CUL5: variants seen among roughly 807,000 people sequenced by gnomAD.
The protein encoded by CUL5 is cullin 5.
CUL5 carries 26 observed loss-of-function variants against 108.8 expected under a neutral mutation model. The ratio of observed to expected loss-of-function variants is 0.24; its 90% CI spans 0.18 to 0.33. CUL5 has a LOEUF of 0.33. Ranked by LOEUF, CUL5 falls within the 10% of genes least tolerant of loss-of-function variation. The pLI is 1.00. For missense variants in CUL5, 524 were observed against 909.2 expected (o/e 0.58, Z 5.45); for synonymous variants, 334 against 298.0 (o/e 1.12, Z -1.25).
At chr11:108,082,444 C>T (rs1864112398) in intron 11 of CUL5, among the ~76,000 whole-genome samples, 1 of 151,966 alleles carries the variant, frequency 6.6e-6, no homozygotes, top group African/African-American at 2.4e-5. Flanking sequence ...CCACACCTGG[C>T]TATATTATTT....
intron 9 of CUL5, among the ~76,000 whole-genome samples, chr11:108,072,824 A>G (rs1254838976): frequency 6.6e-6 from 1 of 152,202 alleles, no homozygotes; most frequent in South Asian, 2.1e-4. Flanking sequence ...ATGTACCATT[A>G]TGTGTTGATT....
intron 3 of CUL5, among the ~76,000 whole-genome samples, chr11:108,048,071 G>C (rs1241197793): frequency 6.6e-6 from 1 of 151,764 alleles, no homozygotes; most frequent in Non-Finnish European, 1.5e-5. Flanking sequence ...TGCCAGACAT[G>C]GGTCTTAAAA....
At chr11:108,075,746 T>C (rs536100478) in intron 10 of CUL5, among the ~76,000 whole-genome samples, 2 of 152,270 alleles carry the variant, frequency 1.3e-5, no homozygotes, top group East Asian at 3.9e-4. Context: ...GCTATGTTGT[T>C]TGGGCTGGTC....
At chr11:108,042,337 G>C (rs924970712) in intron 2 of CUL5, among the ~76,000 whole-genome samples, 5 of 149,876 alleles carry the variant, frequency 3.3e-5, no homozygotes, top group African/African-American at 9.8e-5. Flanking sequence ...TCATGCCTCA[G>C]CCTCCCAAAT....
At chr11:108,101,960 C>T (rs1864683334) in intron 18 of CUL5, among the ~76,000 whole-genome samples, 1 of 152,180 alleles carries the variant, frequency 6.6e-6, no homozygotes, top group Non-Finnish European at 1.5e-5. Context: ...ATCTGAATAC[C>T]ATCAAGGGTG....
At chr11:108,053,436 T>G (rs1473499522) in intron 5 of CUL5, among the ~76,000 whole-genome samples, 1 of 152,218 alleles carries the variant, frequency 6.6e-6, no homozygotes, top group East Asian at 1.9e-4. Context: ...TTGACTGGCT[T>G]TTCTTCATGG....
intron 1 of CUL5, among the ~76,000 whole-genome samples, chr11:108,023,042 A>G (rs890389959): frequency 6.6e-6 from 1 of 152,208 alleles, no homozygotes; most frequent in Non-Finnish European, 1.5e-5. Flanking sequence ...TGAGGTCAGG[A>G]GTTCGAGACC....
chr11:108,098,693 G>A (rs1364761367), intron 18 of CUL5, among the ~76,000 whole-genome samples, 164 bp downstream of exon 18: 2 of 151,470 alleles, frequency 1.3e-5, no homozygotes, highest in African/African-American at 4.9e-5. Flanking sequence ...GATTTCTTGG[G>A]CAACAAAGTG....
intron 7 of CUL5, among the ~76,000 whole-genome samples, chr11:108,067,905 G>A (rs1863725692): frequency 6.6e-6 from 1 of 152,006 alleles, no homozygotes; most frequent in South Asian, 2.1e-4. Context: ...CATTTTATAT[G>A]TGTAGTCTTT....
chr11:108,013,563 T>G (rs1862107937), intron 1 of CUL5, among the ~76,000 whole-genome samples: 1 of 151,874 alleles, frequency 6.6e-6, no homozygotes, highest in Non-Finnish European at 1.5e-5. Flanking sequence ...ATGCCAGAGG[T>G]CGTCATCTCC....
intron 2 of CUL5, among the ~76,000 whole-genome samples, chr11:108,043,970 C>T (rs994504365): frequency 6.6e-6 from 1 of 152,152 alleles, no homozygotes; most frequent in Non-Finnish European, 1.5e-5. Flanking sequence ...TTGCAGTGAG[C>T]CAAGGTGGCG....
At chr11:108,097,969 T>C (rs945995305) in intron 17 of CUL5, among the ~76,000 whole-genome samples, 2 of 152,248 alleles carry the variant, frequency 1.3e-5, no homozygotes, top group Non-Finnish European at 2.9e-5. Context: ...GACATTATAC[T>C]GTATTGCATT....
At chr11:108,061,526 A>G (rs141671023) in intron 7 of CUL5, among the ~76,000 whole-genome samples, 1 of 152,270 alleles carries the variant, frequency 6.6e-6, no homozygotes, top group Non-Finnish European at 1.5e-5. Flanking sequence ...ACTATAATGA[A>G]CGCTACCCCC....
chr11:108,103,366 C>G lies in CUL5; in HGVS notation c.2149-824C>G, dbSNP rs374633380. Among the ~76,000 whole-genome samples the G allele has an allele frequency of 2.0e-3, 305 of 151,480 alleles. 1 individual carries two copies. Among genetic ancestry groups the G allele is most frequent in the African/African-American group, 7.1e-3 (294 of 41,138 alleles). ...TTTGAGTCTGGGGGTTCAAGACCAA[C>G]CTGGACAACATAGCAAAACCTTGTG... On this transcript the variant is annotated intron_variant, in intron 18 of 18. Transcript: ENST00000393094.
intron 4 of CUL5, among the ~76,000 whole-genome samples, chr11:108,051,209 G>GA (rs553977941): frequency 1.2e-4 from 18 of 148,078 alleles, no homozygotes; most frequent in African/African-American, 3.0e-4. Context: ...TGTGCCAAGG[G>GA]AAAAAAAAAA....
At position 108,047,210 on chromosome 11, in the gene CUL5, G is replaced by T. The variant is rs569855851; in HGVS notation, c.234+841G>T. Among the ~76,000 whole-genome samples, 9 of 152,192 alleles carry T rather than the reference G, an allele frequency of 5.9e-5. 1 individual carries two copies. The highest frequency in any genetic ancestry group is 2.1e-4 in the South Asian group (1 of 4,814). Reference sequence around the variant, plus strand: ...TGCACACCTGTGGTTGCAGCCACTCGAGAGGCTGAGGCAGGAGAATTGTGT... The same window carrying T: ...TGCACACCTGTGGTTGCAGCCACTCTAGAGGCTGAGGCAGGAGAATTGTGT... On this transcript the variant is annotated intron_variant, in intron 3 of 18. Transcript: ENST00000393094.
intron 11 of CUL5, among the ~76,000 whole-genome samples, chr11:108,078,544 A>G (rs903089799): frequency 4.6e-5 from 7 of 152,150 alleles, no homozygotes; most frequent in African/African-American, 1.2e-4. Context: ...AAATGACTCA[A>G]TTTACCATAA....
intron 11 of CUL5, among the ~76,000 whole-genome samples, chr11:108,079,620 A>G (rs2135202519): frequency 6.6e-6 from 1 of 152,328 alleles, no homozygotes; most frequent in South Asian, 2.1e-4. Flanking sequence ...AAATTTATAT[A>G]CTGTCCCATG....
rs1352477187 is a variant in CUL5 at position 108,105,439 on chromosome 11, GA to G, written c.*1060del. The G allele has an allele frequency of 6.6e-6, 1 of 152,412 alleles. No homozygotes were observed. Among genetic ancestry groups the G allele is most frequent in the East Asian group, 1.9e-4 (1 of 5,198 alleles). The allele number at this position is 152,412 out of a possible 1,614,324, so 9.4% of individuals were successfully genotyped here. A position where few individuals can be genotyped will look rare whatever the true frequency, so the allele number is the denominator to read the frequency against. The stretch of plus-strand genomic sequence containing the variant: ...TTGAATCAGTCACCTAGGGGTAAGA[GA>G]AAAACCACAACATAAGACCTGAAAA... On this transcript the variant is annotated 3_prime_UTR_variant, in exon 19 of 19. Transcript: ENST00000393094.
Sources: gnomAD v4.1 joint callset for allele counts (sites outside exome capture counted in the v4.1 genomes callset) on GRCh38, gnomAD v4.1.1 for gene constraint, MANE v1.5 for transcripts, NCBI Gene and HGNC (gene_info 2026-07-23, HGNC 2026-07-21) for gene names.